The following FGF17 variants were observed in gnomAD, a reference collection of about 807,000 sequenced individuals.
FGF17 encodes the protein fibroblast growth factor 17.
FGF17 carries 5 observed loss-of-function variants against 23.5 expected under a neutral mutation model. That is an observed-to-expected ratio of 0.21 (90% CI 0.11 to 0.45). FGF17 has a LOEUF of 0.45. Among genes scored for constraint, FGF17 ranks in the 20% least tolerant of loss-of-function variants. FGF17 has a pLI of 0.99. For missense variants in FGF17, 221 were observed against 306.9 expected, an observed-to-expected ratio of 0.72 and a Z score of 2.09; for synonymous variants, 136 against 123.0, an observed-to-expected ratio of 1.11 and a Z score of -0.70.
upstream of FGF17, among the ~76,000 whole-genome samples, chr8:22,040,403 C>T (rs1800719988): frequency 6.6e-6 from 1 of 152,240 alleles, no homozygotes; most frequent in African/African-American, 2.4e-5. Flanking sequence ...CCACCACTGG[C>T]TTCCCCATGG....
At chr8:22,040,097 C>G (rs559037881), upstream of FGF17, among the ~76,000 whole-genome samples, 1 of 151,958 alleles carries the variant, frequency 6.6e-6, no homozygotes, top group African/African-American at 2.4e-5. Flanking sequence ...TCCCCGAGCT[C>G]ACTCCAGTCA....
In FGF17 at chr8:22,046,646, G is replaced by A; in HGVS notation, c.357+13G>A. 2 of 1,578,326 alleles carry A rather than the reference G, an allele frequency of 1.3e-6. No individual in the cohort carries two copies. The highest frequency in any genetic ancestry group is 1.1e-5 in the South Asian group (1 of 90,298). On this transcript the variant is annotated intron_variant, in intron 4 of 4. Coordinates refer to ENST00000359441, the MANE Select transcript of FGF17 (RefSeq NM_003867.4). ...GCTCATCGGGAAGGTGAGGCTGGGA[G>A]ACTGGGAAGTAACAGAGAATCAGCC... is the stretch of plus-strand genomic sequence containing the variant.
chr8:22,044,283 G>T (rs980836616), intron 2 of FGF17, among the ~76,000 whole-genome samples: 1 of 151,824 alleles, frequency 6.6e-6, no homozygotes, highest in African/African-American at 2.4e-5. Flanking sequence ...CCCCCTGGGA[G>T]GGGGGGCCAG....
At chr8:22,045,821 C>A (rs1428420690) in intron 2 of FGF17, 4 of 1,334,480 alleles carry the variant, frequency 3.0e-6, no homozygotes, top group Admixed American at 3.2e-5. Context: ...GGGATAGAAC[C>A]CTGAGGGCTC....
At chr8:22,046,659 C>T (rs759473624) in intron 4 of FGF17, 26 bp downstream of exon 4, 29 of 1,517,532 alleles carry the variant, frequency 1.9e-5, no homozygotes, top group African/African-American at 1.8e-4. Flanking sequence ...TGGGAAGTAA[C>T]AGAGAATCAG....
At chr8:22,043,091 C>A (rs940869292) in intron 1 of FGF17, 54 bp from the exon 2 acceptor site, 3 of 1,607,788 alleles carry the variant, frequency 1.9e-6, no homozygotes, top group Non-Finnish European at 1.7e-6. Flanking sequence ...CCTGGGTGCA[C>A]CCTAGGCTTG....
At chr8:22,040,036 A>C (rs1391564070), upstream of FGF17, among the ~76,000 whole-genome samples, 7 of 143,218 alleles carry the variant, frequency 4.9e-5, no homozygotes, top group African/African-American at 7.8e-5. Context: ...CCTGAACCCC[A>C]CCCCCCCAGC....
At chr8:22,045,226 G>A (rs1312261554) in intron 2 of FGF17, 9 of 985,560 alleles carry the variant, frequency 9.1e-6, no homozygotes, top group Non-Finnish European at 1.1e-5. Flanking sequence ...AACCCAAAGG[G>A]GAAGCAGGTG....
intron 2 of FGF17, among the ~76,000 whole-genome samples, chr8:22,043,787 C>G (rs1371844612): frequency 6.6e-6 from 1 of 151,276 alleles, no homozygotes; most frequent in African/African-American, 2.4e-5. Context: ...CTCCCACCCC[C>G]AAGTCTCAGC....
At position 22,046,908 on chromosome 8, in the gene FGF17, G is replaced by A. The variant is rs546497854; in HGVS notation, c.357+275G>A. The stretch of plus-strand genomic sequence containing the variant: ...CAATCCTCTCGCCTCAGCCTCTGAA[G>A]TAGTAGCTGGCACTATAGGTGCATG... On this transcript the variant is annotated intron_variant, in intron 4 of 4. Transcript: ENST00000359441. 7.9e-5 allele frequency among the ~76,000 whole-genome samples: 12 copies of A among 151,178 alleles called. No individual in the cohort carries two copies. The South Asian group carries it at 2.5e-3, about 32-fold the overall frequency.
intron 2 of FGF17, chr8:22,045,376 A>AC: frequency 1.0e-6 from 1 of 988,024 alleles, no homozygotes; most frequent in Non-Finnish European, 1.2e-6. Flanking sequence ...CTAAGGAGGC[A>AC]CCTTGCCTGC....
intron 2 of FGF17, 160 bp from the exon 3 acceptor site, chr8:22,045,954 C>T: frequency 6.5e-7 from 1 of 1,538,400 alleles, no homozygotes; most frequent in Non-Finnish European, 8.8e-7. Context: ...ACCGGCTCAC[C>T]CAGGGGCCTG....
Position 22,046,551 on chromosome 8 carries a change from C to T in FGF17, c.275C>T (p.Thr92Met), listed in dbSNP as rs1247376070. ...GCCAAGCTCATAGTGGAGACGGACA[C>T]GTTTGGCAGCCGGGTTCGCATCAAA... ...KFAKLIVETD[T>M]FGSRVRIKGA... The change falls in exon 4 of 5, where the codon ACG (threonine) becomes ATG (methionine). Residue 92 changes from threonine to methionine, a missense_variant. Physicochemically the swap from Thr to Met is moderately conservative, Grantham distance 81. This residue lies in a region of FGF17 where 58 missense variants were observed against 121.0 expected (regional missense o/e 0.48). Transcript: ENST00000359441. 1.2e-6 allele frequency: 2 copies of T among 1,613,652 alleles called. No homozygotes were observed. Among genetic ancestry groups the T allele is most frequent in the Admixed American group, 1.7e-5 (1 of 59,834 alleles).
At chr8:22,044,598 G>A (rs964549265) in intron 2 of FGF17, 1 of 806,030 alleles carries the variant, frequency 1.2e-6, no homozygotes, top group Non-Finnish European at 1.5e-6. Context: ...GCGGGGCTGG[G>A]ATAGGCAGGA....
chr8:22,043,326 G>C (rs1016963067), intron 2 of FGF17, 145 bp downstream of exon 2: 1 of 810,210 alleles, frequency 1.2e-6, no homozygotes, highest in Non-Finnish European at 2.1e-6. Context: ...TTGGAGGGGA[G>C]TGAGCCTTTG....
chr8:22,047,144 A>G (rs1278821687), intron 4 of FGF17, among the ~76,000 whole-genome samples: 1 of 152,084 alleles, frequency 6.6e-6, no homozygotes, highest in East Asian at 1.9e-4. Context: ...GGGGACTGGC[A>G]AGCCACTGGG....
Position 22,042,841 on chromosome 8 carries a change from T to A in FGF17, c.-88T>A. The A allele has an allele frequency of 2.8e-6, 4 of 1,427,750 alleles. No homozygotes were observed. In the South Asian group the frequency reaches 4.8e-5, roughly 17 times the overall value. The allele number at this position is 1,427,750 out of a possible 1,614,324, so 88.4% of individuals were successfully genotyped here. ...ACCTGTGGCTCGGAGAGACCTTGGC[T>A]TCTCTGGGACTCTACCCCTGGGGAC... On this transcript the variant is annotated 5_prime_UTR_variant, in exon 1 of 5. Transcript: ENST00000359441.
chr8:22,043,783 C>G (rs1800789752), intron 2 of FGF17, among the ~76,000 whole-genome samples: 1 of 150,488 alleles, frequency 6.6e-6, no homozygotes, highest in Non-Finnish European at 1.5e-5. Context: ...ACACCTCCCA[C>G]CCCCAAGTCT....
chr8:22,041,265 C>T (rs3758154), upstream of FGF17, among the ~76,000 whole-genome samples: 15 of 152,292 alleles, frequency 9.8e-5, no homozygotes, highest in East Asian at 2.1e-3. Flanking sequence ...GAGGAGACCC[C>T]GGAGCTGCCT....
Sources: gnomAD v4.1 joint callset for allele counts (sites outside exome capture counted in the v4.1 genomes callset) on GRCh38, gnomAD v4.1.1 for gene constraint, gnomAD v4.1.1 regional missense constraint, MANE v1.5 for transcripts, NCBI Gene and HGNC (gene_info 2026-07-23, HGNC 2026-07-21) for gene names.